Variants in LRP1B observed in about 807,000 individuals in gnomAD.
The protein encoded by LRP1B is low-density lipoprotein receptor-related protein 1B.
A neutral mutation model predicts 556.6 loss-of-function variants in LRP1B; 217 were observed. The ratio of observed to expected loss-of-function variants is 0.39; its 90% CI spans 0.35 to 0.44. The LOEUF (loss-of-function observed/expected upper bound fraction) is 0.44. Among genes scored for constraint, LRP1B ranks in the 20% least tolerant of loss-of-function variants. The probability of loss-of-function intolerance (pLI) is 1.00; values close to 1 mark genes in which losing one functional copy is unlikely to be tolerated. For missense variants in LRP1B, 5,053 were observed against 5,620.8 expected (o/e 0.90, Z 3.23); for synonymous variants, 2,047 against 1,865.8 (o/e 1.10, Z -2.50).
chr2:140,848,390 C>T (rs964627080), intron 29 of LRP1B, among the ~76,000 whole-genome samples: 2 of 152,230 alleles, frequency 1.3e-5, no homozygotes, highest in South Asian at 4.1e-4. Flanking sequence ...TATAGCCAAA[C>T]CATTCAATAA....
In LRP1B at chr2:141,895,522, G is replaced by A. The variant is rs988014677; in HGVS notation, c.83-85121C>T. Among the ~76,000 whole-genome samples, 5 of 152,302 alleles carry A rather than the reference G, an allele frequency of 3.3e-5. No homozygotes were observed. The East Asian group carries it at 9.6e-4, about 29-fold the overall frequency. On this transcript the variant is annotated intron_variant, in intron 1 of 90. Transcript: ENST00000389484. ...TATGACTGTGGGTCAAATTCACAAT[G>A]TGTTCCTGAATAGCAGAACATTAGT... is the stretch of plus-strand genomic sequence containing the variant.
intron 2 of LRP1B, among the ~76,000 whole-genome samples, chr2:141,524,884 T>G (rs887276619): frequency 6.6e-6 from 1 of 151,924 alleles, no homozygotes; most frequent in Non-Finnish European, 1.5e-5. Flanking sequence ...GAAAAAACAG[T>G]GCAACCTGAT....
chr2:142,048,569 T>C (rs1402096830), intron 1 of LRP1B, among the ~76,000 whole-genome samples: 2 of 152,096 alleles, frequency 1.3e-5, no homozygotes, highest in Admixed American at 1.3e-4. Flanking sequence ...AAATATTTTG[T>C]CACAAAGATA....
intron 2 of LRP1B, among the ~76,000 whole-genome samples, chr2:141,604,528 G>A (rs1460753419): frequency 1.3e-5 from 2 of 152,130 alleles, no homozygotes; most frequent in East Asian, 1.9e-4. Flanking sequence ...CCATGGACTG[G>A]CTTAAGAAAC....
intron 3 of LRP1B, among the ~76,000 whole-genome samples, chr2:141,367,258 CTAGT>C (rs1442281198): frequency 1.3e-5 from 2 of 151,386 alleles, no homozygotes; most frequent in Non-Finnish European, 2.9e-5. Flanking sequence ...CAGTATGTAC[CTAGT>C]TAAATATTTT....
chr2:140,412,714 A>C (rs181412265), intron 66 of LRP1B, among the ~76,000 whole-genome samples: 7 of 152,162 alleles, frequency 4.6e-5, no homozygotes, highest in Admixed American at 4.6e-4. Context: ...AGGCTTATGG[A>C]GGTTCATACA....
At chr2:141,818,702 A>C (rs1269303634) in intron 1 of LRP1B, among the ~76,000 whole-genome samples, 2 of 150,980 alleles carry the variant, frequency 1.3e-5, no homozygotes, top group African/African-American at 4.9e-5. Flanking sequence ...ACACCTGGCT[A>C]ATTTTTTGTA....
At chr2:141,474,701 A>C (rs12053570) in intron 3 of LRP1B, among the ~76,000 whole-genome samples, 77,802 of 151,904 alleles carry the variant, frequency 0.51, 20,156 homozygotes, top group Non-Finnish European at 0.55. Context: ...TTTTTAGTTT[A>C]CTGATCAAAT....
chr2:141,338,924 CT>C (rs1223002189), intron 3 of LRP1B, among the ~76,000 whole-genome samples: 1 of 152,002 alleles, frequency 6.6e-6, no homozygotes, highest in Non-Finnish European at 1.5e-5. Context: ...TATCCAGTTT[CT>C]TTTCTCATGC....
At chr2:141,141,614 T>G (rs1395874775) in intron 7 of LRP1B, among the ~76,000 whole-genome samples, 1 of 152,180 alleles carries the variant, frequency 6.6e-6, no homozygotes, top group East Asian at 1.9e-4. Flanking sequence ...TTAAATTTAA[T>G]TACCACATCC....
intron 1 of LRP1B, among the ~76,000 whole-genome samples, chr2:142,068,647 T>G: frequency 6.6e-6 from 1 of 151,492 alleles, no homozygotes; most frequent in African/African-American, 2.4e-5. Context: ...TTTCTCAATA[T>G]GTTTTATTTG....
In LRP1B at chr2:140,700,234, G is replaced by T. The variant is rs771313971; in HGVS notation, c.6799+16C>A. On this transcript the variant is annotated intron_variant, in intron 41 of 90. Transcript: ENST00000389484. ...TACTCATTTCCACCTATTTAAAATT[G>T]AATTACTGTACTTACTTTCAACAAT... The T allele has an allele frequency of 1.9e-6, 3 of 1,595,514 alleles. No homozygotes were observed. The highest frequency in any genetic ancestry group is 2.2e-5 in the South Asian group (2 of 89,444).
At chr2:141,480,965 T>A (rs909183989) in intron 2 of LRP1B, among the ~76,000 whole-genome samples, 2 of 152,178 alleles carry the variant, frequency 1.3e-5, no homozygotes, top group African/African-American at 2.4e-5. Context: ...GGAACAAAAA[T>A]GTTTCAGTGG....
At chr2:140,661,504 T>TAAAA (rs71408466) in intron 41 of LRP1B, among the ~76,000 whole-genome samples, 1 of 122,598 alleles carries the variant, frequency 8.2e-6, no homozygotes. Flanking sequence ...TACAAATAAT[T>TAAAA]AAAAAAAAAA....
intron 3 of LRP1B, among the ~76,000 whole-genome samples, chr2:141,418,297 C>G (rs533877768): frequency 6.6e-6 from 1 of 152,014 alleles, no homozygotes; most frequent in African/African-American, 2.4e-5. Flanking sequence ...GTATTATATT[C>G]AAAAAATCAT....
chr2:140,503,305 A>T (rs1396780322), intron 53 of LRP1B, among the ~76,000 whole-genome samples: 1 of 152,118 alleles, frequency 6.6e-6, no homozygotes, highest in Non-Finnish European at 1.5e-5. Context: ...CAAAAACTCA[A>T]GTTGGAAACT....
chr2:141,884,626 A>G (rs998304337), intron 1 of LRP1B, among the ~76,000 whole-genome samples: 4 of 152,196 alleles, frequency 2.6e-5, no homozygotes, highest in African/African-American at 9.6e-5. Context: ...ATCTCAGAAT[A>G]ATCTTTTAAA....
chr2:140,352,814 C>A, intron 76 of LRP1B, 139 bp downstream of exon 76: 1 of 771,776 alleles, frequency 1.3e-6, no homozygotes, highest in Middle Eastern at 3.9e-4. Context: ...ATTAACTAAC[C>A]AACTGGCCAA....
chr2:141,218,001 A>AGTGATT (rs1553477606), intron 6 of LRP1B, among the ~76,000 whole-genome samples: 4 of 152,232 alleles, frequency 2.6e-5, no homozygotes, highest in African/African-American at 9.6e-5. Flanking sequence ...ACTAATAATC[A>AGTGATT]GACAAATGCA....
Sources: allele counts gnomAD v4.1 joint callset (sites outside exome capture counted in the v4.1 genomes callset), GRCh38; gene constraint gnomAD v4.1.1; transcripts MANE v1.5; gene names NCBI Gene and HGNC (gene_info 2026-07-23, HGNC 2026-07-21).